Variants in DCDC1 observed in about 807,000 individuals in gnomAD.
The protein encoded by DCDC1 is doublecortin domain-containing protein 1.
In DCDC1, 200 loss-of-function variants were observed where a neutral mutation model predicts 178.3. The ratio of observed to expected loss-of-function variants is 1.12; its 90% CI spans 1.00 to 1.26. DCDC1 has a LOEUF of 1.26. Among genes scored for constraint, DCDC1 ranks in the 50% most tolerant of loss-of-function variants. The pLI is 0.00. For missense variants in DCDC1, 1,983 were observed against 1,749.2 expected (o/e 1.13, Z -2.38); for synonymous variants, 690 against 604.8 (o/e 1.14, Z -2.07).
In DCDC1 at chr11:31,222,019, C is replaced by A. The variant is rs539175323; in HGVS notation, c.1221+19431G>T. Among the ~76,000 whole-genome samples, 6 of 152,182 alleles carry A rather than the reference C, an allele frequency of 3.9e-5. No individual in the cohort carries two copies. In the South Asian group the frequency reaches 1.2e-3, roughly 32 times the overall value. Reference sequence around the variant, plus strand: ...AACACAATTCAACCAAGTTCTTTGCCACTTTATAAGGATTACCTTTCCTCT... The same window carrying A: ...AACACAATTCAACCAAGTTCTTTGCAACTTTATAAGGATTACCTTTCCTCT... On this transcript the variant is annotated intron_variant, in intron 9 of 38. Coordinates refer to ENST00000684477, the MANE Select transcript of DCDC1 (RefSeq NM_001387274.1).
chr11:31,337,367 T>G (rs796592071), intron 1 of DCDC1, among the ~76,000 whole-genome samples: 6 of 152,334 alleles, frequency 3.9e-5, no homozygotes, highest in African/African-American at 1.4e-4. Flanking sequence ...AACAACACTT[T>G]TCTTTAAGAA....
At position 30,929,627 on chromosome 11, in the gene DCDC1, G is replaced by T. The variant is rs539744862; in HGVS notation, c.2897+2144C>A. 1.1e-4 allele frequency among the ~76,000 whole-genome samples: 17 copies of T among 152,056 alleles called. No individual in the cohort carries two copies. The East Asian group carries it at 2.7e-3, about 24-fold the overall frequency. On this transcript the variant is annotated intron_variant, in intron 22 of 38. Transcript: ENST00000684477. ...ACTAAGGAGCTCAAGTGAGTTCAGA[G>T]ATCATAACTTACTAATAAGTAATAT...
chr11:30,966,181 A>T (rs1332772674), intron 20 of DCDC1, among the ~76,000 whole-genome samples: 309 of 83,042 alleles, frequency 3.7e-3, no homozygotes, highest in African/African-American at 7.8e-3. Flanking sequence ...CGCCACACTG[A>T]CTTCCACAAT....
intron 38 of DCDC1, among the ~76,000 whole-genome samples, chr11:30,866,428 C>T (rs774571929): frequency 2.6e-5 from 4 of 152,114 alleles, no homozygotes; most frequent in Non-Finnish European, 5.9e-5. Flanking sequence ...GGCATGGCAG[C>T]TCTCTTGGGC....
chr11:30,922,195 A>G (rs916862106), intron 24 of DCDC1, among the ~76,000 whole-genome samples: 1 of 152,216 alleles, frequency 6.6e-6, no homozygotes, highest in African/African-American at 2.4e-5. Context: ...AGCTCTCCCT[A>G]AAGGGACTAA....
chr11:31,295,381 C>A (rs184066952), intron 6 of DCDC1, among the ~76,000 whole-genome samples: 12 of 152,078 alleles, frequency 7.9e-5, no homozygotes, highest in Non-Finnish European at 1.3e-4. Flanking sequence ...TGGTGCCCCC[C>A]CAAGGTGCCT....
At chr11:31,184,249 A>C (rs183242627) in intron 9 of DCDC1, among the ~76,000 whole-genome samples, 2 of 152,322 alleles carry the variant, frequency 1.3e-5, no homozygotes, top group East Asian at 3.9e-4. Context: ...AGAAAACTGA[A>C]ACTGGACCGC....
At chr11:31,132,754 C>T (rs1328577640) in intron 10 of DCDC1, among the ~76,000 whole-genome samples, 1 of 152,130 alleles carries the variant, frequency 6.6e-6, no homozygotes, top group Non-Finnish European at 1.5e-5. Context: ...TGAAAAAATG[C>T]ACCATCTCAT....
At chr11:31,159,730 A>C (rs1178866835) in intron 9 of DCDC1, among the ~76,000 whole-genome samples, 1 of 152,222 alleles carries the variant, frequency 6.6e-6, no homozygotes, top group African/African-American at 2.4e-5. Context: ...CAACTTGACA[A>C]ATGAATTGTG....
At chr11:30,983,526 C>T (rs1189400827) in intron 20 of DCDC1, among the ~76,000 whole-genome samples, 3 of 152,080 alleles carry the variant, frequency 2.0e-5, no homozygotes, top group African/African-American at 7.2e-5. Context: ...ATTTGCGATC[C>T]ATTAAAATTA....
At chr11:31,160,135 A>G (rs1196715399) in intron 9 of DCDC1, among the ~76,000 whole-genome samples, 2 of 152,212 alleles carry the variant, frequency 1.3e-5, no homozygotes, top group Admixed American at 1.3e-4. Flanking sequence ...ATATGTAAAC[A>G]TGAATGTTTT....
intron 36 of DCDC1, among the ~76,000 whole-genome samples, chr11:30,885,243 A>G (rs1319894189): frequency 7.7e-6 from 1 of 129,706 alleles, no homozygotes; most frequent in African/African-American, 2.6e-5. Flanking sequence ...CAGAAAAAGG[A>G]AAAAAAAAAG....
At chr11:31,189,894 G>C (rs1253464910) in intron 9 of DCDC1, among the ~76,000 whole-genome samples, 2 of 152,168 alleles carry the variant, frequency 1.3e-5, no homozygotes, top group Non-Finnish European at 2.9e-5. Context: ...TCACAGGTTT[G>C]AGAAATGAGA....
intron 6 of DCDC1, among the ~76,000 whole-genome samples, chr11:31,295,621 GT>G (rs1317863733): frequency 6.6e-6 from 1 of 152,132 alleles, no homozygotes; most frequent in African/African-American, 2.4e-5. Flanking sequence ...CAATTCTCTG[GT>G]GTCTTTCACA....
At chr11:30,943,278 C>T (rs186368729) in intron 21 of DCDC1, 2 of 152,792 alleles carry the variant, frequency 1.3e-5, no homozygotes, top group East Asian at 1.9e-4. Context: ...AGTTTCATAG[C>T]TATATTAGTC....
chr11:31,176,022 G>T (rs1967965439), intron 9 of DCDC1, among the ~76,000 whole-genome samples: 1 of 152,090 alleles, frequency 6.6e-6, no homozygotes, highest in African/African-American at 2.4e-5. Flanking sequence ...ATCCCCAAAA[G>T]AATGTAATCA....
intron 9 of DCDC1, among the ~76,000 whole-genome samples, chr11:31,159,848 G>A (rs907553448): frequency 2.0e-5 from 3 of 152,158 alleles, no homozygotes; most frequent in African/African-American, 4.8e-5. Context: ...CTGTGTCCTT[G>A]TGTTTTGTAC....
At chr11:30,964,901 T>G (rs761649460) in intron 20 of DCDC1, among the ~76,000 whole-genome samples, 1 of 152,238 alleles carries the variant, frequency 6.6e-6, no homozygotes, top group East Asian at 1.9e-4. Context: ...CAGGACAGCA[T>G]GTCATGTCGA....
At chr11:31,165,456 G>A (rs1458948800) in intron 9 of DCDC1, among the ~76,000 whole-genome samples, 1 of 151,910 alleles carries the variant, frequency 6.6e-6, no homozygotes, top group African/African-American at 2.4e-5. Flanking sequence ...GGAATACAGG[G>A]ACACATTACC....
Sources: allele counts gnomAD v4.1 joint callset (sites outside exome capture counted in the v4.1 genomes callset), GRCh38; gene constraint gnomAD v4.1.1; transcripts MANE v1.5; gene names NCBI Gene and HGNC (gene_info 2026-07-23, HGNC 2026-07-21).